CPQ: variants seen among roughly 807,000 people sequenced by gnomAD.
CPQ encodes carboxypeptidase Q, also known as Ser-Met dipeptidase.
A neutral mutation model predicts 45.7 loss-of-function variants in CPQ; 37 were observed. The observed-to-expected ratio is 0.81, with a 90% CI of 0.62 to 1.07. The LOEUF is 1.07. Among genes scored for constraint, CPQ ranks in the 50% least tolerant of loss-of-function variants. The pLI is 0.00. For missense variants in CPQ, 537 were observed against 572.9 expected (o/e 0.94, Z 0.64); for synonymous variants, 186 against 205.8 (o/e 0.90, Z 0.82).
intron 1 of CPQ, among the ~76,000 whole-genome samples, chr8:96,751,398 C>CT (rs1810256739): frequency 6.6e-6 from 1 of 152,166 alleles, no homozygotes; most frequent in East Asian, 1.9e-4. Context: ...TGATGAAAAG[C>CT]TTTTTTTAAT....
At chr8:97,090,707 A>C (rs1811111914) in intron 7 of CPQ, among the ~76,000 whole-genome samples, 1 of 152,174 alleles carries the variant, frequency 6.6e-6, no homozygotes, top group African/African-American at 2.4e-5. Context: ...AACTCTTCCC[A>C]ATAATGAGTC....
chr8:97,120,682 C>CT (rs1811686166), intron 7 of CPQ, among the ~76,000 whole-genome samples: 1 of 152,198 alleles, frequency 6.6e-6, no homozygotes, highest in Admixed American at 6.5e-5. Flanking sequence ...TCAAAGTCTT[C>CT]TGTTCTCAGT....
intron 3 of CPQ, among the ~76,000 whole-genome samples, chr8:96,869,615 G>T (rs1224759398): frequency 1.3e-5 from 2 of 152,032 alleles, no homozygotes; most frequent in East Asian, 3.9e-4. Context: ...CATTGGCAAG[G>T]ACCTATCTTT....
At chr8:96,663,310 T>G (rs1808871664) in intron 1 of CPQ, among the ~76,000 whole-genome samples, 1 of 106,756 alleles carries the variant, frequency 9.4e-6, no homozygotes, top group Non-Finnish European at 2.1e-5. Flanking sequence ...TCAAACATTT[T>G]CATCTGCATA....
chr8:96,845,993 T>G (rs896951525), intron 3 of CPQ, among the ~76,000 whole-genome samples: 76 of 152,206 alleles, frequency 5.0e-4, no homozygotes, highest in African/African-American at 1.8e-3. Context: ...CTATTTTGTA[T>G]TTTTAGTAGA....
intron 2 of CPQ, among the ~76,000 whole-genome samples, chr8:96,821,463 G>A (rs992387484): frequency 6.6e-5 from 10 of 151,676 alleles, no homozygotes; most frequent in Admixed American, 2.0e-4. Flanking sequence ...TTTGATTTTT[G>A]TGTATAGTGG....
intron 7 of CPQ, among the ~76,000 whole-genome samples, chr8:97,124,089 G>A (rs762379478): frequency 6.6e-6 from 1 of 151,840 alleles, no homozygotes; most frequent in Non-Finnish European, 1.5e-5. Context: ...AGATGGACTT[G>A]GTGGTGGACA....
At chr8:96,721,241 A>G (rs956253747) in intron 1 of CPQ, among the ~76,000 whole-genome samples, 1 of 151,820 alleles carries the variant, frequency 6.6e-6, no homozygotes, top group Non-Finnish European at 1.5e-5. Context: ...TCTCAGTAAG[A>G]CTGCTGTCCT....
At chr8:96,990,639 A>T (rs1432511637) in intron 5 of CPQ, among the ~76,000 whole-genome samples, 4 of 152,232 alleles carry the variant, frequency 2.6e-5, no homozygotes, top group Non-Finnish European at 5.9e-5. Flanking sequence ...CCCTGGAGAC[A>T]GTACAAACAA....
chr8:97,050,517 A>G (rs754941805), intron 6 of CPQ, among the ~76,000 whole-genome samples: 3 of 152,218 alleles, frequency 2.0e-5, no homozygotes, highest in Non-Finnish European at 4.4e-5. Flanking sequence ...ATTTAGGGAA[A>G]TATGGTATTT....
chr8:96,756,652 G>A (rs996681427), intron 1 of CPQ, among the ~76,000 whole-genome samples: 5 of 152,084 alleles, frequency 3.3e-5, no homozygotes, highest in African/African-American at 1.2e-4. Flanking sequence ...CTATTGTCAT[G>A]ATTTAACTTG....
intron 4 of CPQ, among the ~76,000 whole-genome samples, chr8:96,950,840 T>C (rs1240655366): frequency 1.3e-5 from 2 of 152,144 alleles, no homozygotes; most frequent in African/African-American, 4.8e-5. Flanking sequence ...CATCCATTTT[T>C]AGATACACAA....
intron 6 of CPQ, 94 bp from the exon 7 acceptor site, chr8:97,065,915 G>T: frequency 1.6e-6 from 2 of 1,217,724 alleles, no homozygotes; most frequent in East Asian, 2.5e-5. Flanking sequence ...CAGCCGTAAG[G>T]AGGTAAAGTA....
chr8:96,682,148 A>G (rs941185551), intron 1 of CPQ, among the ~76,000 whole-genome samples: 2 of 152,162 alleles, frequency 1.3e-5, no homozygotes, highest in Non-Finnish European at 2.9e-5. Context: ...ATATGAGGAC[A>G]TGAGATTTGG....
At position 96,666,591 on chromosome 8, in the gene CPQ, A is replaced by G. The variant is rs374923237; in HGVS notation, c.-35+21189A>G. Among the ~76,000 whole-genome samples, 85 of 152,148 alleles carry G rather than the reference A, an allele frequency of 5.6e-4. 1 individual carries two copies. Among genetic ancestry groups the G allele is most frequent in the African/African-American group, 2.0e-3 (81 of 41,426 alleles). On this transcript the variant is annotated intron_variant, in intron 1 of 7. Transcript: ENST00000220763. ...AGAAAATAAAGCCAGAACATGGGAA[A>G]GTATGCTGGTAAATCAAAAACTGTA...
chr8:96,747,256 A>C (rs908021909), intron 1 of CPQ, among the ~76,000 whole-genome samples: 3 of 148,510 alleles, frequency 2.0e-5, no homozygotes, highest in Admixed American at 1.4e-4. Flanking sequence ...CTCTCACTGC[A>C]CTCCAGCCTG....
At chr8:96,780,390 T>C (rs916654589) in intron 1 of CPQ, among the ~76,000 whole-genome samples, 3 of 152,204 alleles carry the variant, frequency 2.0e-5, no homozygotes, top group Non-Finnish European at 4.4e-5. Context: ...AATGAACATA[T>C]GTAAAGACCC....
intron 2 of CPQ, among the ~76,000 whole-genome samples, chr8:96,796,005 A>G (rs918326843): frequency 7.2e-5 from 11 of 152,060 alleles, no homozygotes; most frequent in Admixed American, 1.3e-4. Context: ...TGTACATTTT[A>G]ATGATACAAC....
intron 3 of CPQ, among the ~76,000 whole-genome samples, chr8:96,848,285 A>G (rs564748283): frequency 6.6e-6 from 1 of 152,314 alleles, no homozygotes; most frequent in East Asian, 1.9e-4. Context: ...AACTTACATA[A>G]TTTGGGGGCC....
Sources: gnomAD v4.1 joint callset for allele counts (sites outside exome capture counted in the v4.1 genomes callset) on GRCh38, gnomAD v4.1.1 for gene constraint, MANE v1.5 for transcripts, NCBI Gene and HGNC (gene_info 2026-07-23, HGNC 2026-07-21) for gene names.